Variants in SETBP1 observed in about 807,000 individuals in gnomAD.
SETBP1 encodes the protein SET binding protein 1, also known as SET-binding protein.
Under a neutral mutation model 101.0 loss-of-function variants are expected in SETBP1, and 9 were observed. The observed-to-expected ratio is 0.09, with a 90% CI of 0.05 to 0.16. The LOEUF (loss-of-function observed/expected upper bound fraction) is 0.16. Among genes scored for constraint, SETBP1 ranks in the 10% least tolerant of loss-of-function variants. The pLI is 1.00. For missense variants in SETBP1, 1,858 were observed against 2,033.8 expected, an observed-to-expected ratio of 0.91 and a Z score of 1.66; for synonymous variants, 818 against 788.5, an observed-to-expected ratio of 1.04 and a Z score of -0.63.
intron 4 of SETBP1, among the ~76,000 whole-genome samples, chr18:44,960,112 G>A (rs183697822): frequency 1.3e-5 from 2 of 152,216 alleles, no homozygotes; most frequent in African/African-American, 4.8e-5. Flanking sequence ...GGCCGGGCTT[G>A]TCTTGAACTC....
intron 3 of SETBP1, among the ~76,000 whole-genome samples, chr18:44,875,224 G>A (rs1402834763): frequency 6.6e-6 from 1 of 152,116 alleles, no homozygotes; most frequent in African/African-American, 2.4e-5. Flanking sequence ...TCAACACTTA[G>A]AAAGAGTAAA....
intron 2 of SETBP1, among the ~76,000 whole-genome samples, chr18:44,737,034 A>G (rs2069985006): frequency 6.6e-6 from 1 of 152,218 alleles, no homozygotes; most frequent in Non-Finnish European, 1.5e-5. Context: ...GACACTTGGT[A>G]CATCTTTGTA....
intron 2 of SETBP1, among the ~76,000 whole-genome samples, chr18:44,819,892 AAACC>A (rs2072070459): frequency 6.6e-6 from 1 of 152,234 alleles, no homozygotes; most frequent in Non-Finnish European, 1.5e-5. Flanking sequence ...AATGATCTCC[AAACC>A]AGCAGCAAAA....
intron 2 of SETBP1, among the ~76,000 whole-genome samples, chr18:44,758,963 G>T (rs2070572159): frequency 6.6e-6 from 1 of 152,202 alleles, no homozygotes; most frequent in South Asian, 2.1e-4. Context: ...TGCTGTATGT[G>T]TGTGATGCTG....
intron 2 of SETBP1, among the ~76,000 whole-genome samples, chr18:44,749,439 G>T (rs2070333457): frequency 6.6e-6 from 1 of 152,156 alleles, no homozygotes; most frequent in Non-Finnish European, 1.5e-5. Context: ...GCTGCTTTCT[G>T]CCTGTGCCAT....
At position 44,952,970 on chromosome 18, in the gene SETBP1, G is replaced by A. The variant is rs1383224307; in HGVS notation, c.3630G>A (p.Gln1210=). 1 of 1,614,076 alleles carries A rather than the reference G, an allele frequency of 6.2e-7. No individual in the cohort carries two copies. Among genetic ancestry groups the A allele is most frequent in the African/African-American group, 1.3e-5 (1 of 74,938 alleles). The part of the protein sequence containing the change: ...VSEKNKHKEK[Q]KHQHSEAGHK... ...AGAAGAACAAGCATAAGGAGAAACA[G>A]AAGCACCAGCACAGCGAAGCCGGCC... is the stretch of plus-strand genomic sequence containing the variant. The change falls in exon 4 of 6, where the codon CAG becomes CAA. Residue 1210 remains glutamine, a synonymous_variant. Transcript: ENST00000649279.
intron 4 of SETBP1, among the ~76,000 whole-genome samples, chr18:44,997,887 G>A (rs914005778): frequency 3.9e-5 from 6 of 152,176 alleles, no homozygotes; most frequent in African/African-American, 1.2e-4. Context: ...GTCTTAATGC[G>A]TAGGAACTTC....
intron 4 of SETBP1, among the ~76,000 whole-genome samples, chr18:45,022,860 G>A (rs753284425): frequency 1.3e-5 from 2 of 152,130 alleles, no homozygotes; most frequent in African/African-American, 2.4e-5. Flanking sequence ...AATAAAATTA[G>A]CATTTACATG....
At chr18:44,741,631 G>T (rs1160539739) in intron 2 of SETBP1, among the ~76,000 whole-genome samples, 2 of 152,076 alleles carry the variant, frequency 1.3e-5, no homozygotes, top group Non-Finnish European at 2.9e-5. Context: ...TATAAGAGCA[G>T]CCAGCAGAAA....
At chr18:44,712,117 A>T (rs888783568) in intron 2 of SETBP1, among the ~76,000 whole-genome samples, 1 of 152,142 alleles carries the variant, frequency 6.6e-6, no homozygotes, top group Non-Finnish European at 1.5e-5. Context: ...TTTGATAATC[A>T]TCATTAGTAT....
chr18:44,703,303 T>C (rs775115357), intron 2 of SETBP1, among the ~76,000 whole-genome samples: 21 of 149,140 alleles, frequency 1.4e-4, no homozygotes, highest in Admixed American at 4.7e-4. Flanking sequence ...GAACTTCTTT[T>C]CTTTATAGCC....
chr18:44,966,015 TCAAA>T lies in SETBP1; in HGVS notation c.4000+12680_4000+12683del, dbSNP rs201359902. 7.0e-3 allele frequency among the ~76,000 whole-genome samples: 1,067 copies of T among 152,302 alleles called. 12 individuals are homozygous for T. The highest frequency in any genetic ancestry group is 0.023 in the African/African-American group (944 of 41,562). On this transcript the variant is annotated intron_variant, in intron 4 of 5. Coordinates refer to ENST00000649279, the MANE Select transcript of SETBP1 (RefSeq NM_015559.3). ...ATTTCAGTGATCCTTTGGGCAATAA[TCAAA>T]CAAAGCTCGATTGCATCTGTCTCTC...
At chr18:44,831,275 C>T (rs1338568907) in intron 2 of SETBP1, among the ~76,000 whole-genome samples, 2 of 152,154 alleles carry the variant, frequency 1.3e-5, no homozygotes, top group Non-Finnish European at 2.9e-5. Context: ...CCTAGAGATT[C>T]CCAGAGATTT....
chr18:44,816,666 G>A (rs1167875328), intron 2 of SETBP1, among the ~76,000 whole-genome samples: 1 of 152,132 alleles, frequency 6.6e-6, no homozygotes, highest in Non-Finnish European at 1.5e-5. Flanking sequence ...AATAAATGCT[G>A]CTTTTACAAC....
intron 2 of SETBP1, among the ~76,000 whole-genome samples, chr18:44,793,381 G>T (rs114958959): frequency 3.0e-4 from 45 of 152,332 alleles, no homozygotes; most frequent in African/African-American, 1.0e-3. Flanking sequence ...CATATTGCCA[G>T]TGCCCCTCCT....
chr18:44,950,822 G>T lies in SETBP1; in HGVS notation c.1482G>T (p.Val494=). The change falls in exon 4 of 6, where the codon GTG becomes GTT. Residue 494 remains valine, a synonymous_variant. Coordinates refer to ENST00000649279, the MANE Select transcript of SETBP1 (RefSeq NM_015559.3). ...GNAEKVIPGG[V]SKPRKPPMVM... The stretch of plus-strand genomic sequence containing the variant: ...CTGAGAAAGTTATCCCAGGAGGTGT[G>T]TCTAAGCCGCGGAAGCCACCCATGG... 1 of 1,614,148 alleles carries T rather than the reference G, an allele frequency of 6.2e-7. No homozygotes were observed. The highest frequency in any genetic ancestry group is 8.5e-7 in the Non-Finnish European group (1 of 1,180,022).
intron 2 of SETBP1, among the ~76,000 whole-genome samples, chr18:44,773,445 A>C (rs918161925): frequency 6.6e-6 from 1 of 152,214 alleles, no homozygotes; most frequent in Non-Finnish European, 1.5e-5. Flanking sequence ...CCCAGGAGAC[A>C]CTGCAGAGCT....
intron 4 of SETBP1, among the ~76,000 whole-genome samples, chr18:45,033,852 C>T (rs1039186790): frequency 6.6e-6 from 1 of 152,210 alleles, no homozygotes; most frequent in East Asian, 1.9e-4. Context: ...CCACCTCTTA[C>T]AGCTGTGTGA....
intron 1 of SETBP1, among the ~76,000 whole-genome samples, chr18:44,698,054 A>T (rs2069049802): frequency 6.6e-6 from 1 of 152,200 alleles, no homozygotes; most frequent in South Asian, 2.1e-4. Flanking sequence ...TTGGTGGCTA[A>T]TTTGCTTTGG....
Sources: gnomAD v4.1 joint callset for allele counts (sites outside exome capture counted in the v4.1 genomes callset) on GRCh38, gnomAD v4.1.1 for gene constraint, MANE v1.5 for transcripts, NCBI Gene and HGNC (gene_info 2026-07-23, HGNC 2026-07-21) for gene names.